PIK3CD: variants seen among roughly 807,000 people sequenced by gnomAD.
PIK3CD encodes the protein phosphatidylinositol 4,5-bisphosphate 3-kinase catalytic subunit delta isoform.
A neutral mutation model predicts 122.9 loss-of-function variants in PIK3CD; 20 were observed. That is an observed-to-expected ratio of 0.16 (90% CI 0.11 to 0.24). PIK3CD has a LOEUF of 0.24. PIK3CD is among the 10% of genes least tolerant of loss of function. The pLI is 1.00. For missense variants in PIK3CD, 787 were observed against 1,406.3 expected, an observed-to-expected ratio of 0.56 and a Z score of 7.04; for synonymous variants, 596 against 593.4, an observed-to-expected ratio of 1.00 and a Z score of -0.06.
the PIK3CD span, among the ~76,000 whole-genome samples, chr1:9,645,116 C>G: frequency 1.3e-5 from 2 of 150,146 alleles, no homozygotes; most frequent in Non-Finnish European, 3.0e-5. Flanking sequence ...ACCTCCGCCT[C>G]CTGGGTTCAA....
intron 2 of PIK3CD, among the ~76,000 whole-genome samples, chr1:9,695,626 T>TTA (rs1318524320): frequency 6.6e-6 from 1 of 151,988 alleles, no homozygotes; most frequent in African/African-American, 2.4e-5. Context: ...GGCAGATCAC[T>TTA]AGGTCAGGAG....
chr1:9,665,509 T>G (rs1443883626), intron 1 of PIK3CD, among the ~76,000 whole-genome samples: 3 of 151,682 alleles, frequency 2.0e-5, no homozygotes, highest in Non-Finnish European at 4.4e-5. Flanking sequence ...GGAACAGAAT[T>G]CGCTCATGCC....
At chr1:9,666,524 G>A (rs1329342670) in intron 1 of PIK3CD, among the ~76,000 whole-genome samples, 1 of 151,800 alleles carries the variant, frequency 6.6e-6, no homozygotes, top group Non-Finnish European at 1.5e-5. Flanking sequence ...GAGCCACCAT[G>A]CCTGGCCGTA....
chr1:9,648,067 C>G (rs780671422), upstream of PIK3CD, among the ~76,000 whole-genome samples: 5 of 152,132 alleles, frequency 3.3e-5, no homozygotes, highest in African/African-American at 1.2e-4. Context: ...CTGTTGGACC[C>G]GGTACAGGGG....
intron 1 of PIK3CD, among the ~76,000 whole-genome samples, chr1:9,685,534 T>C (rs963943618): frequency 2.6e-4 from 39 of 152,082 alleles, no homozygotes; most frequent in Admixed American, 4.6e-4. Context: ...AATTCTTGTA[T>C]TTTTAGTAGA....
intron 6 of PIK3CD, 61 bp from the exon 7 acceptor site, chr1:9,716,898 C>T: frequency 6.2e-7 from 1 of 1,610,212 alleles, no homozygotes; most frequent in Non-Finnish European, 8.5e-7. Context: ...CCTGGGAATC[C>T]TGGTGTCCAG....
intron 1 of PIK3CD, among the ~76,000 whole-genome samples, chr1:9,690,396 T>G (rs1646157623): frequency 6.6e-6 from 1 of 152,228 alleles, no homozygotes; most frequent in Non-Finnish European, 1.5e-5. Flanking sequence ...AGGGCTTTCC[T>G]TATGATCCTG....
intron 2 of PIK3CD, 47 bp downstream of exon 2, chr1:9,691,618 T>C (rs1646199053): frequency 2.5e-6 from 1 of 398,124 alleles, no homozygotes; most frequent in Non-Finnish European, 4.4e-6. Context: ...GGAAAGGAGA[T>C]GTTATTTTGT....
intron 3 of PIK3CD, among the ~76,000 whole-genome samples, chr1:9,712,523 T>C (rs1275797699): frequency 6.6e-6 from 1 of 152,086 alleles, no homozygotes; most frequent in Non-Finnish European, 1.5e-5. Context: ...TCAAGTGATC[T>C]GCCCACCTTG....
chr1:9,630,737 T>TGC, the PIK3CD span, among the ~76,000 whole-genome samples: 538 of 110,592 alleles, frequency 4.9e-3, 6 homozygotes, highest in African/African-American at 0.013. Context: ...TGTGTGTGTG[T>TGC]GTGCAGAAGA....
At chr1:9,726,553 G>A (rs140525118) in intron 23 of PIK3CD, among the ~76,000 whole-genome samples, 4 of 151,926 alleles carry the variant, frequency 2.6e-5, no homozygotes, top group African/African-American at 9.6e-5. Flanking sequence ...TTTCCTTCTT[G>A]TGTCCTCTCC....
chr1:9,688,640 C>A (rs1646065289), intron 1 of PIK3CD, among the ~76,000 whole-genome samples: 1 of 152,080 alleles, frequency 6.6e-6, no homozygotes, highest in African/African-American at 2.4e-5. Context: ...GCGTAGGCAA[C>A]ATAGTTAGAC....
rs966556653 is a variant in PIK3CD at position 9,652,835 on chromosome 1, G to C, written c.-138+1033G>C. ...GCGAGGGTGAAGCAGGTAGGGGCGA[G>C]ATTTCCGGGGTCGCGGGTGGGGGGC... On this transcript the variant is annotated intron_variant, in intron 1 of 23. Coordinates refer to ENST00000377346, the MANE Select transcript of PIK3CD (RefSeq NM_005026.5). The surrounding 1 kb of genome is among the most constrained non-coding windows in gnomAD (Gnocchi z 6.2). The C allele has an allele frequency of 6.6e-6, 1 of 152,160 alleles. No homozygotes were observed. Among genetic ancestry groups the C allele is most frequent in the African/African-American group, 2.4e-5 (1 of 41,430 alleles). 9.4% of individuals were successfully genotyped at this position (152,160 alleles called of 1,614,324 possible).
chr1:9,659,475 C>T (rs180980661), intron 1 of PIK3CD, among the ~76,000 whole-genome samples: 47 of 152,244 alleles, frequency 3.1e-4, no homozygotes, highest in African/African-American at 1.1e-3. Flanking sequence ...CCGTCACCAC[C>T]GCCCACCCTC....
rs1644716511 is a variant in PIK3CD at position 9,652,739 on chromosome 1, G to C, written c.-138+937G>C. 1.3e-5 allele frequency: 2 copies of C among 152,356 alleles called. No homozygotes were observed. The highest frequency in any genetic ancestry group is 1.3e-4 in the Admixed American group (2 of 15,266). 9.4% of individuals were successfully genotyped at this position (152,356 alleles called of 1,614,324 possible). On this transcript the variant is annotated intron_variant, in intron 1 of 23. Transcript: ENST00000377346. This position sits in a 1 kb window ranked among gnomAD's most constrained non-coding sequence, Gnocchi z 6.2. The stretch of plus-strand genomic sequence containing the variant: ...GGCACCAGGATGGGGGCGTTGCAGG[G>C]CGGGGAGACGGGGGTCCAGAGAACC...
At chr1:9,678,617 A>G (rs949136790) in intron 1 of PIK3CD, among the ~76,000 whole-genome samples, 1 of 152,210 alleles carries the variant, frequency 6.6e-6, no homozygotes, top group Admixed American at 6.6e-5. Context: ...GTTGGTGTGC[A>G]GGGAAGGACT....
chr1:9,717,674 C>G lies in PIK3CD; in HGVS notation c.1020+48C>G. Reference sequence around the variant, plus strand: ...GAGAGACACTGTTTTTTTGCACAAACAAGGTGGCTGTATCCTGGAGGGGTA... The same window carrying G: ...GAGAGACACTGTTTTTTTGCACAAAGAAGGTGGCTGTATCCTGGAGGGGTA... On this transcript the variant is annotated intron_variant, in intron 8 of 23. Transcript: ENST00000377346. The surrounding 1 kb of genome is among the most constrained non-coding windows in gnomAD (Gnocchi z 5.4). 1.3e-6 allele frequency: 2 copies of G among 1,549,612 alleles called. No homozygotes were observed. The highest frequency in any genetic ancestry group is 1.8e-6 in the Non-Finnish European group (2 of 1,123,804).
chr1:9,662,990 C>T (rs1284379471), intron 1 of PIK3CD, among the ~76,000 whole-genome samples: 1 of 152,136 alleles, frequency 6.6e-6, no homozygotes, highest in Non-Finnish European at 1.5e-5. Flanking sequence ...CACCTGGCAG[C>T]GGTTCCATTT....
chr1:9,677,998 G>C (rs2101088411), intron 1 of PIK3CD, among the ~76,000 whole-genome samples: 1 of 152,130 alleles, frequency 6.6e-6, no homozygotes, highest in South Asian at 2.1e-4. Flanking sequence ...TACTAAATTA[G>C]CTGGGTGTGG....
Sources: allele counts gnomAD v4.1 joint callset (sites outside exome capture counted in the v4.1 genomes callset), GRCh38; gene constraint gnomAD v4.1.1; non-coding constraint Gnocchi (gnomAD v3.1); transcripts MANE v1.5; gene names NCBI Gene and HGNC (gene_info 2026-07-23, HGNC 2026-07-21).